Variants in GPC5 observed in about 807,000 individuals in gnomAD.
GPC5 encodes the protein glypican-5.
In GPC5, 47 loss-of-function variants were observed where a neutral mutation model predicts 53.9. The observed-to-expected ratio is 0.87, with a 90% CI of 0.69 to 1.11. The LOEUF is 1.11. Ranked by LOEUF, GPC5 falls within the 50% of genes most tolerant of loss-of-function variation. The pLI, the probability that GPC5 is intolerant of heterozygous loss-of-function variation, is 0.00. For missense variants in GPC5, 748 were observed against 713.1 expected (o/e 1.05, Z -0.56); for synonymous variants, 286 against 263.3 (o/e 1.09, Z -0.84).
chr13:91,774,023 G>A (rs1180246501), intron 5 of GPC5, among the ~76,000 whole-genome samples: 1 of 152,104 alleles, frequency 6.6e-6, no homozygotes, highest in African/African-American at 2.4e-5. Context: ...CATTTTACTT[G>A]CAAATGCATT....
Position 91,756,373 on chromosome 13 carries a change from T to G in GPC5, c.1233T>G (p.Ala411=). The G allele has an allele frequency of 6.3e-7, 1 of 1,593,840 alleles. No individual in the cohort carries two copies. The highest frequency in any genetic ancestry group is 1.1e-5 in the South Asian group (1 of 88,864). ...ATCAGCTTTGTGCTAATGAATTAGCTGCTGCAGATGGACTTCCCTGCTGGA... is the reference window on the plus strand; with the variant it reads ...ATCAGCTTTGTGCTAATGAATTAGCGGCTGCAGATGGACTTCCCTGCTGGA... ...LADQLCANEL[A]AADGLPCWNG... is the part of the protein sequence containing the mutation. Residue 411 remains alanine, a synonymous_variant, in exon 5 of 8, where the codon GCT becomes GCG. Transcript: ENST00000377067.
At chr13:91,721,794 T>C (rs2036480570) in intron 3 of GPC5, among the ~76,000 whole-genome samples, 1 of 152,244 alleles carries the variant, frequency 6.6e-6, no homozygotes, top group African/African-American at 2.4e-5. Context: ...ACCTAAATAC[T>C]ACTTTCCAAA....
chr13:92,518,149 T>C (rs544873216), intron 7 of GPC5, among the ~76,000 whole-genome samples: 305 of 152,258 alleles, frequency 2.0e-3, no homozygotes, highest in African/African-American at 7.1e-3. Flanking sequence ...AATCTACGTC[T>C]GATTGTTGTC....
At chr13:91,768,280 C>T (rs565453871) in intron 5 of GPC5, among the ~76,000 whole-genome samples, 21 of 152,180 alleles carry the variant, frequency 1.4e-4, no homozygotes, top group Admixed American at 3.9e-4. Flanking sequence ...GTCCAACCAT[C>T]CAAATCCTTC....
At chr13:91,401,467 A>G (rs1029379263) in intron 1 of GPC5, among the ~76,000 whole-genome samples, 3 of 152,218 alleles carry the variant, frequency 2.0e-5, no homozygotes, top group Admixed American at 1.3e-4. Flanking sequence ...GAGAGAACAT[A>G]ATTTAGTCAT....
At chr13:92,371,465 C>CA (rs1317556537) in intron 7 of GPC5, among the ~76,000 whole-genome samples, 1 of 151,978 alleles carries the variant, frequency 6.6e-6, no homozygotes, top group Admixed American at 6.6e-5. Context: ...TTCAGAGTAT[C>CA]AAAAATAGGG....
chr13:91,539,769 G>A (rs538514402), intron 2 of GPC5, among the ~76,000 whole-genome samples: 3 of 152,060 alleles, frequency 2.0e-5, no homozygotes, highest in African/African-American at 7.2e-5. Flanking sequence ...AATCCATAAT[G>A]CATATCTAAT....
intron 5 of GPC5, among the ~76,000 whole-genome samples, chr13:91,902,224 A>G (rs1349372951): frequency 6.6e-6 from 1 of 152,032 alleles, no homozygotes; most frequent in African/African-American, 2.4e-5. Context: ...CTATCAGCCA[A>G]TAGGGCATGG....
intron 7 of GPC5, among the ~76,000 whole-genome samples, chr13:92,363,948 A>T (rs1360174456): frequency 6.6e-6 from 1 of 151,812 alleles, no homozygotes; most frequent in Non-Finnish European, 1.5e-5. Context: ...GATTATAATT[A>T]TTCCTCACAT....
At chr13:91,567,569 A>T (rs1414330099) in intron 2 of GPC5, among the ~76,000 whole-genome samples, 1 of 152,150 alleles carries the variant, frequency 6.6e-6, no homozygotes, top group Non-Finnish European at 1.5e-5. Context: ...TTGTTTTCAG[A>T]AGCAGTTATT....
intron 3 of GPC5, among the ~76,000 whole-genome samples, chr13:91,695,790 G>A (rs2035867956): frequency 6.6e-6 from 1 of 152,154 alleles, no homozygotes; most frequent in South Asian, 2.1e-4. Context: ...ATGTCCCATG[G>A]CCAGGACCTT....
At chr13:91,441,755 G>A (rs1286866596) in intron 1 of GPC5, among the ~76,000 whole-genome samples, 2 of 152,094 alleles carry the variant, frequency 1.3e-5, no homozygotes. Context: ...TCCAAAACTC[G>A]TCTCAGTTCT....
chr13:91,440,914 C>T (rs1311404159), intron 1 of GPC5, among the ~76,000 whole-genome samples: 1 of 152,184 alleles, frequency 6.6e-6, no homozygotes. Context: ...AGAGTTTACA[C>T]AGAAACTGGG....
At chr13:92,164,147 TATC>T (rs2042010560) in intron 7 of GPC5, among the ~76,000 whole-genome samples, 1 of 152,124 alleles carries the variant, frequency 6.6e-6, no homozygotes, top group Non-Finnish European at 1.5e-5. Context: ...ACCCAGATCA[TATC>T]ATTCTGCCCC....
rs1046069976 is a variant in GPC5, at chr13:91,907,199, C to A, written c.1281-738C>A. ...TTGTTATTGATGTATACTGCCAAATCCCTAATGGATACTAGAATTCTTAAC... is the reference window on the plus strand; with the variant it reads ...TTGTTATTGATGTATACTGCCAAATACCTAATGGATACTAGAATTCTTAAC... On this transcript the variant is annotated intron_variant, in intron 5 of 7. Coordinates refer to ENST00000377067, the MANE Select transcript of GPC5 (RefSeq NM_004466.6). Among the ~76,000 whole-genome samples the A allele has an allele frequency of 2.7e-5, 4 of 148,992 alleles. No homozygotes were observed. In the South Asian group the frequency reaches 8.4e-4, roughly 31 times the overall value.
intron 1 of GPC5, among the ~76,000 whole-genome samples, chr13:91,405,016 G>C (rs1421848559): frequency 1.3e-5 from 2 of 152,068 alleles, no homozygotes; most frequent in Non-Finnish European, 2.9e-5. Context: ...TTTTAAAGTG[G>C]CTGTACAGTA....
intron 6 of GPC5, among the ~76,000 whole-genome samples, chr13:92,123,362 A>C (rs2041666811): frequency 2.6e-5 from 4 of 152,186 alleles, no homozygotes; most frequent in Non-Finnish European, 5.9e-5. Context: ...GTTATATGAC[A>C]TTTATAACAG....
intron 7 of GPC5, among the ~76,000 whole-genome samples, chr13:92,432,126 C>A (rs1160797536): frequency 6.6e-6 from 1 of 152,072 alleles, no homozygotes; most frequent in East Asian, 1.9e-4. Context: ...GAAGAGAAAC[C>A]AGAGAGCTTG....
chr13:91,698,188 A>T (rs2035922913), intron 3 of GPC5, among the ~76,000 whole-genome samples: 1 of 152,148 alleles, frequency 6.6e-6, no homozygotes, highest in African/African-American at 2.4e-5. Flanking sequence ...TTTCAACAAA[A>T]AAAGTCCCAT....
Sources: gnomAD v4.1 joint callset for allele counts (sites outside exome capture counted in the v4.1 genomes callset) on GRCh38, gnomAD v4.1.1 for gene constraint, MANE v1.5 for transcripts, NCBI Gene and HGNC (gene_info 2026-07-23, HGNC 2026-07-21) for gene names.